Variants in SKP2 observed in about 807,000 individuals in gnomAD.
SKP2 encodes the protein S-phase kinase associated protein 2.
In SKP2, 16 loss-of-function variants were observed where a neutral mutation model predicts 51.8. The observed-to-expected ratio is 0.31, with a 90% CI of 0.21 to 0.47. The LOEUF (loss-of-function observed/expected upper bound fraction) is 0.47, where lower values mean the gene tolerates loss of function less well. SKP2 is among the 20% of genes least tolerant of loss of function. SKP2 has a pLI of 1.00. For synonymous variants in SKP2, 176 were observed against 198.6 expected (o/e 0.89, Z 0.96); for missense variants, 377 against 505.3 (o/e 0.75, Z 2.43).
At chr5:36,174,525 A>C (rs1389327218) in intron 7 of SKP2, among the ~76,000 whole-genome samples, 1 of 152,124 alleles carries the variant, frequency 6.6e-6, no homozygotes, top group Non-Finnish European at 1.5e-5. Flanking sequence ...TCATTTATTA[A>C]ATATTTATTG....
At chr5:36,168,260 G>C in intron 4 of SKP2, 53 bp from the exon 5 acceptor site, 1 of 1,577,378 alleles carries the variant, frequency 6.3e-7, no homozygotes, top group African/African-American at 1.4e-5. Flanking sequence ...GTTTGAAATT[G>C]GATGTACCCG....
Position 36,168,321 on chromosome 5 carries a change from G to A in SKP2, c.545G>A (p.Arg182His), listed in dbSNP as rs1272302594. 8 of 1,613,726 alleles carry A rather than the reference G, an allele frequency of 5.0e-6. No individual in the cohort carries two copies. In the Admixed American group the frequency reaches 8.3e-5, roughly 17 times the overall value. The change falls in exon 5 of 10, where the codon CGT (arginine) becomes CAT (histidine). Residue 182 changes from arginine to histidine, a missense_variant. Arg to His is a conservative substitution (Grantham distance 29, BLOSUM62 0). Transcript: ENST00000274255. ...TTTCTCTCCGTGTTTAGCCCTTTTCGTGTACAGCACATGGACCTATCGAAC... is the reference window on the plus strand; with the variant it reads ...TTTCTCTCCGTGTTTAGCCCTTTTCATGTACAGCACATGGACCTATCGAAC... ...QPLAEHFSPF[R>H]VQHMDLSNSV...
At chr5:36,175,345 T>A (rs1314188586) in intron 7 of SKP2, among the ~76,000 whole-genome samples, 2 of 152,056 alleles carry the variant, frequency 1.3e-5, no homozygotes, top group African/African-American at 4.8e-5. Context: ...TAGACATAAA[T>A]TTAGAGGCCT....
At chr5:36,170,317 T>C in intron 5 of SKP2, 27 bp from the exon 6 acceptor site, 3 of 1,390,624 alleles carry the variant, frequency 2.2e-6, no homozygotes, top group Non-Finnish European at 3.1e-6. Context: ...CTGGTCTTTT[T>C]CTTCTGACGT....
At chr5:36,181,785 T>C (rs1745819274) in intron 9 of SKP2, 33 bp from the exon 10 acceptor site, 9 of 1,612,314 alleles carry the variant, frequency 5.6e-6, no homozygotes, top group Non-Finnish European at 7.6e-6. Context: ...CCATAGATAC[T>C]GCTATTCTGA....
chr5:36,191,417 A>G (rs1214531727), intron 6 of SKP2, among the ~76,000 whole-genome samples: 2 of 148,666 alleles, frequency 1.3e-5, no homozygotes, highest in African/African-American at 5.0e-5. Flanking sequence ...TTTAGCCAGG[A>G]GACACTTGAT....
At chr5:36,159,467 C>G (rs2111958277) in intron 2 of SKP2, among the ~76,000 whole-genome samples, 1 of 152,296 alleles carries the variant, frequency 6.6e-6, no homozygotes, top group South Asian at 2.1e-4. Context: ...CTATCTATAG[C>G]CCCTTGAAGC....
In SKP2 at chr5:36,166,478, G is replaced by A. The variant is rs1265139240; in HGVS notation, c.393-41G>A. 3.8e-6 allele frequency: 6 copies of A among 1,599,398 alleles called. No individual in the cohort carries two copies. The Middle Eastern group carries it at 6.9e-4, about 185-fold the overall frequency. ...TGTTGTTGAGGGCTTCCAGCATTTA[G>A]TGTGACCGACTGGCCAAATTAAGTA... is the stretch of plus-strand genomic sequence containing the variant. On this transcript the variant is annotated intron_variant, in intron 3 of 9. Coordinates refer to ENST00000274255, the MANE Select transcript of SKP2 (RefSeq NM_005983.4).
chr5:36,152,948 G>A lies in SKP2; in HGVS notation c.186G>A (p.Pro62=). The change falls in exon 2 of 10, where the codon CCG becomes CCA. Residue 62 remains proline (P), a synonymous_variant. Coordinates refer to ENST00000274255, the MANE Select transcript of SKP2 (RefSeq NM_005983.4). ...PQELLSNLGH[P]ESPPRKRLKS... ...AACTGCTCTCAAACCTGGGCCACCC[G>A]GAGAGCCCCCCACGGAAACGGCTGA... 6.2e-7 allele frequency: 1 copy of A among 1,614,064 alleles called. No individual in the cohort carries two copies. The highest frequency in any genetic ancestry group is 8.5e-7 in the Non-Finnish European group (1 of 1,180,000).
intron 6 of SKP2, among the ~76,000 whole-genome samples, chr5:36,170,753 G>A (rs13181119): frequency 2.6e-5 from 4 of 152,114 alleles, no homozygotes; most frequent in Admixed American, 1.3e-4. Context: ...GTACATTCAG[G>A]TTTTTTCCCC....
At chr5:36,180,292 A>G (rs1252265867) in intron 9 of SKP2, 2 of 1,326,220 alleles carry the variant, frequency 1.5e-6, no homozygotes, top group African/African-American at 1.5e-5. Flanking sequence ...CTGTCATCGT[A>G]AGTGATTAAG....
rs773523251 is a variant in SKP2 at position 36,168,456 on chromosome 5, CA to C, written c.671+10del. On this transcript the variant is annotated intron_variant, in intron 5 of 9. Coordinates refer to ENST00000274255, the MANE Select transcript of SKP2 (RefSeq NM_005983.4). ...TCGGATCCCATTGTCAAGTGAGTGG[CA>C]GGCAGAGTGTCACAAAGGCAGTTGA... The C allele has an allele frequency of 3.1e-6, 5 of 1,613,888 alleles. No individual in the cohort carries two copies. Among genetic ancestry groups the C allele is most frequent in the Non-Finnish European group, 4.2e-6 (5 of 1,179,746 alleles).
chr5:36,192,259 T>G (rs1746045063), intron 6 of SKP2, among the ~76,000 whole-genome samples: 1 of 152,196 alleles, frequency 6.6e-6, no homozygotes, highest in South Asian at 2.1e-4. Context: ...AAAATAAAAT[T>G]GAACTATTCT....
intron 2 of SKP2, among the ~76,000 whole-genome samples, chr5:36,153,388 A>T (rs1017999500): frequency 5.3e-5 from 8 of 152,152 alleles, no homozygotes; most frequent in South Asian, 2.1e-4. Flanking sequence ...TTCTTGTAGG[A>T]TTCCTTTTGC....
At chr5:36,189,095 T>C (rs1745981493), downstream of SKP2, among the ~76,000 whole-genome samples, 1 of 152,234 alleles carries the variant, frequency 6.6e-6, no homozygotes, top group Admixed American at 6.5e-5. Context: ...TAAGGACTTC[T>C]CTACACTGGT....
chr5:36,190,550 C>T (rs969139436), intron 6 of SKP2, among the ~76,000 whole-genome samples: 3 of 152,026 alleles, frequency 2.0e-5, no homozygotes, highest in Non-Finnish European at 2.9e-5. Flanking sequence ...TGCCCAGAGG[C>T]CTTCCAGGAA....
intron 6 of SKP2, among the ~76,000 whole-genome samples, chr5:36,190,855 C>G (rs956671424): frequency 7.9e-5 from 12 of 152,030 alleles, no homozygotes; most frequent in African/African-American, 2.9e-4. Flanking sequence ...TGGTATATAC[C>G]TCTAAAAGTT....
chr5:36,152,747 C>A (rs1199169835), intron 1 of SKP2, 24 bp from the exon 2 acceptor site: 12 of 1,605,734 alleles, frequency 7.5e-6, no homozygotes, highest in Middle Eastern at 2.1e-4. Context: ...CGAAAGGAAC[C>A]GGGGGTATTG....
chr5:36,169,692 T>G (rs1745407112), intron 5 of SKP2, among the ~76,000 whole-genome samples: 1 of 152,200 alleles, frequency 6.6e-6, no homozygotes, highest in African/African-American at 2.4e-5. Flanking sequence ...TGCCAGATAG[T>G]GAATTTTGTA....
Sources: allele counts gnomAD v4.1 joint callset (sites outside exome capture counted in the v4.1 genomes callset), GRCh38; gene constraint gnomAD v4.1.1; transcripts MANE v1.5; gene names NCBI Gene and HGNC (gene_info 2026-07-23, HGNC 2026-07-21).